Variants in KCNN2 observed in about 807,000 individuals in gnomAD.
The protein encoded by KCNN2 is small conductance calcium-activated potassium channel protein 2.
KCNN2 carries 24 observed loss-of-function variants against 55.5 expected under a neutral mutation model. The observed-to-expected ratio is 0.43, with a 90% confidence interval of 0.31 to 0.61. KCNN2 has a LOEUF of 0.61. Ranked by LOEUF, KCNN2 falls within the 20% of genes least tolerant of loss-of-function variation. KCNN2 has a pLI of 0.08. For synonymous variants in KCNN2, 431 were observed against 336.1 expected, an observed-to-expected ratio of 1.28 and a Z score of -3.09; for missense variants, 754 against 853.6, an observed-to-expected ratio of 0.88 and a Z score of 1.45.
chr5:114,309,554 G>A (rs1366894292), intron 2 of KCNN2, among the ~76,000 whole-genome samples: 1 of 152,200 alleles, frequency 6.6e-6, no homozygotes, highest in Non-Finnish European at 1.5e-5. Context: ...TATAGGAAAG[G>A]CAGGCAAGTG....
intron 1 of KCNN2, among the ~76,000 whole-genome samples, chr5:114,192,952 A>T (rs1753480711): frequency 6.6e-6 from 1 of 152,066 alleles, no homozygotes; most frequent in African/African-American, 2.4e-5. Flanking sequence ...GATTGTCCAG[A>T]TGTTTTATTA....
chr5:114,362,411 G>T lies in KCNN2; in HGVS notation c.272G>T (p.Arg91Leu). The T allele has an allele frequency of 3.4e-6, 1 of 297,346 alleles. No homozygotes were observed. The highest frequency in any genetic ancestry group is 6.2e-6 in the Non-Finnish European group (1 of 160,542). The allele number at this position is 297,346 out of a possible 1,614,324, so 18.4% of individuals were successfully genotyped here. The change falls in exon 1 of 8, where the codon CGC becomes CTC. Residue 91 changes from arginine to leucine, a missense_variant. Physicochemically the swap from Arg to Leu is moderately radical, Grantham distance 102. Transcript: ENST00000673685. The stretch of plus-strand genomic sequence containing the variant: ...GGAGATAACCTGTCCCTGCTGCTCC[G>T]CACCTCCTCGCCCGGCGGCGCCTTC... ...GAGDNLSLLL[R>L]TSSPGGAFRT...
intron 2 of KCNN2, among the ~76,000 whole-genome samples, chr5:114,383,375 AGATT>A (rs1415345157): frequency 9.2e-5 from 14 of 152,082 alleles, no homozygotes; most frequent in Non-Finnish European, 2.1e-4. Flanking sequence ...ATATGCTAAA[AGATT>A]GATTGCCTGG....
At chr5:114,283,335 G>A (rs1755662530) in intron 2 of KCNN2, among the ~76,000 whole-genome samples, 1 of 152,046 alleles carries the variant, frequency 6.6e-6, no homozygotes, top group South Asian at 2.1e-4. Flanking sequence ...CATCTATTGA[G>A]TGTTAAATTT....
intron 6 of KCNN2, among the ~76,000 whole-genome samples, chr5:114,488,097 A>T (rs1242494691): frequency 1.3e-5 from 2 of 152,182 alleles, no homozygotes; most frequent in Admixed American, 6.5e-5. Context: ...TACCACTAAC[A>T]TTCTATAGGA....
intron 3 of KCNN2, among the ~76,000 whole-genome samples, chr5:114,450,201 A>G (rs1197776942): frequency 6.6e-6 from 1 of 152,242 alleles, no homozygotes; most frequent in Non-Finnish European, 1.5e-5. Context: ...GCCAGTGTCA[A>G]CATGCTTTCT....
intron 1 of KCNN2, among the ~76,000 whole-genome samples, chr5:114,179,445 C>T (rs758757006): frequency 3.9e-5 from 6 of 152,140 alleles, no homozygotes; most frequent in Non-Finnish European, 5.9e-5. Flanking sequence ...ACTTTTCCTC[C>T]TCATTGTGCT....
rs115726551 is a variant in KCNN2, at chr5:114,128,979, A to T, written c.-271+72479A>T. On this transcript the variant is annotated intron_variant, in intron 1 of 10. Coordinates refer to the KCNN2 transcript ENST00000512097. The stretch of plus-strand genomic sequence containing the variant: ...GTATTGGTCAAGGTCCTCCTTGAAA[A>T]CAGATAGTACATTCAAATTAGGATA... Among the ~76,000 whole-genome samples, 725 of 152,312 alleles carry T rather than the reference A, an allele frequency of 4.8e-3. 3 individuals carry two copies. Among genetic ancestry groups the T allele is most frequent in the Middle Eastern group, 0.01 (3 of 294 alleles).
intron 2 of KCNN2, among the ~76,000 whole-genome samples, chr5:114,228,277 CT>C (rs1400084189): frequency 6.6e-6 from 1 of 151,980 alleles, no homozygotes; most frequent in East Asian, 1.9e-4. Flanking sequence ...ATCTCATTTA[CT>C]TTTGAGGTTC....
At chr5:114,440,295 TAACTCCTAACC>T (rs1479262831) in intron 3 of KCNN2, among the ~76,000 whole-genome samples, 2 of 152,174 alleles carry the variant, frequency 1.3e-5, no homozygotes, top group Non-Finnish European at 2.9e-5. Flanking sequence ...TGAAAGAAGT[TAACTCCTAACC>T]TAGACTTCTA....
intron 2 of KCNN2, among the ~76,000 whole-genome samples, chr5:114,292,419 G>A (rs1160457315): frequency 6.6e-6 from 1 of 152,178 alleles, no homozygotes; most frequent in Non-Finnish European, 1.5e-5. Flanking sequence ...TGGCTAGCCA[G>A]TTTTCCCAGC....
intron 2 of KCNN2, among the ~76,000 whole-genome samples, chr5:114,227,336 C>A (rs1754256609): frequency 1.3e-5 from 2 of 152,168 alleles, no homozygotes; most frequent in African/African-American, 4.8e-5. Context: ...ATTTACTCTT[C>A]AACACCTAGT....
chr5:114,130,809 A>G (rs1312964130), intron 1 of KCNN2, among the ~76,000 whole-genome samples: 2 of 152,210 alleles, frequency 1.3e-5, no homozygotes, highest in African/African-American at 2.4e-5. Context: ...GTATGTATAC[A>G]TCTATGTCAA....
intron 2 of KCNN2, among the ~76,000 whole-genome samples, chr5:114,264,805 CT>C (rs1383048193): frequency 6.6e-6 from 1 of 152,194 alleles, no homozygotes; most frequent in Non-Finnish European, 1.5e-5. Context: ...AGGCCCCCAT[CT>C]TCTGCTTTGC....
At chr5:114,149,687 A>C (rs527971647) in intron 1 of KCNN2, among the ~76,000 whole-genome samples, 3 of 152,208 alleles carry the variant, frequency 2.0e-5, no homozygotes, top group Non-Finnish European at 4.4e-5. Context: ...TAGTGTGTGC[A>C]TCAGTAATTT....
At chr5:114,407,846 C>A (rs560081903) in intron 3 of KCNN2, among the ~76,000 whole-genome samples, 1 of 152,206 alleles carries the variant, frequency 6.6e-6, no homozygotes, top group African/African-American at 2.4e-5. Context: ...CTTGCTCTCT[C>A]CAGTGTCTGA....
At chr5:114,452,481 A>G (rs1430618288) in intron 3 of KCNN2, among the ~76,000 whole-genome samples, 10 of 152,116 alleles carry the variant, frequency 6.6e-5, no homozygotes, top group Non-Finnish European at 1.2e-4. Context: ...AATGCTTACT[A>G]TTTTTACTCA....
chr5:114,453,244 G>A (rs1326193510), intron 3 of KCNN2, among the ~76,000 whole-genome samples: 1 of 152,112 alleles, frequency 6.6e-6, no homozygotes, highest in African/African-American at 2.4e-5. Flanking sequence ...GGAAAGAGAG[G>A]GCCTGATCTA....
chr5:114,404,833 A>T lies in KCNN2; in HGVS notation c.1614A>T (p.Ala538=), dbSNP rs374943613. 3 of 1,612,788 alleles carry T rather than the reference A, an allele frequency of 1.9e-6. No homozygotes were observed. The highest frequency in any genetic ancestry group is 2.5e-6 in the Non-Finnish European group (3 of 1,179,038). The change falls in exon 3 of 8, where the codon GCA becomes GCT. Residue 538 remains alanine, a synonymous_variant. Coordinates refer to ENST00000673685, the MANE Select transcript of KCNN2 (RefSeq NM_021614.4). ...GTATCTCATTATGGATAATTGCCGCATGGACTGTCCGAGCTTGTGAAAGGT... is the reference window on the plus strand; with the variant it reads ...GTATCTCATTATGGATAATTGCCGCTTGGACTGTCCGAGCTTGTGAAAGGT... ...VFSISLWIIA[A]WTVRACERYH... is the part of the protein sequence containing the mutation.
Sources: gnomAD v4.1 joint callset for allele counts (sites outside exome capture counted in the v4.1 genomes callset) on GRCh38, gnomAD v4.1.1 for gene constraint, MANE v1.5 for transcripts, NCBI Gene and HGNC (gene_info 2026-07-23, HGNC 2026-07-21) for gene names.